The following PAAF1 variants were observed in gnomAD, a reference collection of about 807,000 sequenced individuals.
PAAF1 encodes proteasomal ATPase-associated factor 1.
Under a neutral mutation model 52.8 loss-of-function variants are expected in PAAF1, and 46 were observed. The ratio of observed to expected loss-of-function variants is 0.87; its 90% CI spans 0.69 to 1.11. PAAF1 has a LOEUF of 1.11. Ranked by LOEUF, PAAF1 falls within the 50% of genes most tolerant of loss-of-function variation. PAAF1 has a pLI of 0.00. For synonymous variants in PAAF1, 178 were observed against 172.8 expected (o/e 1.03, Z -0.24); for missense variants, 424 against 477.4 (o/e 0.89, Z 1.04).
At chr11:73,881,193 C>G (rs1948896711) in intron 2 of PAAF1, among the ~76,000 whole-genome samples, 1 of 152,024 alleles carries the variant, frequency 6.6e-6, no homozygotes, top group Admixed American at 6.6e-5. Flanking sequence ...TTTACTTAGG[C>G]TAAAAAAGCA....
chr11:73,881,522 A>G (rs941400784), intron 2 of PAAF1, among the ~76,000 whole-genome samples: 6 of 152,118 alleles, frequency 3.9e-5, no homozygotes, highest in Admixed American at 2.6e-4. Context: ...TCCTGAGCTC[A>G]AGTGATCCGC....
intron 2 of PAAF1, chr11:73,886,853 C>G (rs888137558): frequency 7.0e-6 from 2 of 284,670 alleles, no homozygotes; most frequent in Non-Finnish European, 1.4e-5. Context: ...TGGGGGCAGA[C>G]CCCTCATGAA....
intron 6 of PAAF1, among the ~76,000 whole-genome samples, chr11:73,908,043 C>T (rs916898092): frequency 6.6e-6 from 1 of 151,878 alleles, no homozygotes; most frequent in African/African-American, 2.4e-5. Context: ...TCCATCATTC[C>T]AAGTCTTACT....
intron 4 of PAAF1, among the ~76,000 whole-genome samples, chr11:73,897,549 C>T (rs375133532): frequency 4.6e-5 from 7 of 150,920 alleles, no homozygotes; most frequent in East Asian, 3.9e-4. Context: ...AGACGATGGG[C>T]GGCCGGGCAG....
upstream of PAAF1, chr11:73,876,820 G>T: frequency 2.2e-6 from 1 of 460,154 alleles, no homozygotes; most frequent in Non-Finnish European, 3.6e-6. Context: ...TTTCGCAGGC[G>T]GTTGGGGATC....
At chr11:73,926,765 T>G (rs1950372881) in intron 11 of PAAF1, among the ~76,000 whole-genome samples, 1 of 152,126 alleles carries the variant, frequency 6.6e-6, no homozygotes, top group African/African-American at 2.4e-5. Flanking sequence ...TCAACACATT[T>G]CCATTGTACA....
rs568777440 is a variant in PAAF1, at chr11:73,929,137, C to T, written c.*1775C>T. The T allele has an allele frequency of 1.3e-5, 2 of 152,216 alleles. No homozygotes were observed. The highest frequency in any genetic ancestry group is 4.1e-4 in the South Asian group (2 of 4,828). 9.4% of individuals were successfully genotyped at this position (152,216 alleles called of 1,614,324 possible). On this transcript the variant is annotated 3_prime_UTR_variant, in exon 12 of 12. Transcript: ENST00000310571. ...ATGATTACAGCTTCTGCCTTAACCT[C>T]CTGGGCTCAAGCAATCCTCCCACTT...
chr11:73,919,811 T>C (rs930746998), intron 10 of PAAF1, among the ~76,000 whole-genome samples: 2 of 152,228 alleles, frequency 1.3e-5, no homozygotes, highest in African/African-American at 4.8e-5. Context: ...AGCATTTCAG[T>C]ATGTCAGTTA....
chr11:73,907,917 T>C (rs999371061), intron 6 of PAAF1, among the ~76,000 whole-genome samples: 11 of 152,158 alleles, frequency 7.2e-5, no homozygotes, highest in African/African-American at 2.7e-4. Flanking sequence ...AGTTTTGTGT[T>C]GGAGGCTTCT....
intron 6 of PAAF1, among the ~76,000 whole-genome samples, chr11:73,904,645 G>A (rs1331604361): frequency 1.3e-5 from 2 of 151,050 alleles, no homozygotes; most frequent in African/African-American, 4.9e-5. Flanking sequence ...TTTTTTTTTC[G>A]GAGATCTGAG....
intron 6 of PAAF1, among the ~76,000 whole-genome samples, chr11:73,906,067 A>C (rs1949744291): frequency 6.6e-6 from 1 of 152,200 alleles, no homozygotes; most frequent in South Asian, 2.1e-4. Flanking sequence ...AACTCAAAAT[A>C]CTTTAGTGAC....
chr11:73,891,094 C>T lies in PAAF1; in HGVS notation c.193-18C>T. ...GAGGAGTTTTACTGATGAATCTCAT[C>T]TTTTCCTCTTTGTTTAGAAAAGCAT... On this transcript the variant is annotated intron_variant, in intron 3 of 11. Coordinates refer to ENST00000310571, the MANE Select transcript of PAAF1 (RefSeq NM_025155.3). 1 of 1,482,794 alleles carries T rather than the reference C, an allele frequency of 6.7e-7. No homozygotes were observed. The highest frequency in any genetic ancestry group is 9.4e-7 in the Non-Finnish European group (1 of 1,066,680). 91.9% of individuals were successfully genotyped at this position (1,482,794 alleles called of 1,614,324 possible).
rs1215023873 is a variant in PAAF1, at chr11:73,928,488, A to G, written c.*1126A>G. ...AATGGAATCATAATGTATGTATTCC[A>G]TGGCTTATTTTCACTTAATGTCTCT... On this transcript the variant is annotated 3_prime_UTR_variant, in exon 12 of 12. Transcript: ENST00000310571. 2.0e-5 allele frequency: 3 copies of G among 152,060 alleles called. No homozygotes were observed. The highest frequency in any genetic ancestry group is 1.9e-4 in the East Asian group (1 of 5,200). 9.4% of individuals were successfully genotyped at this position (152,060 alleles called of 1,614,324 possible).
At chr11:73,902,379 A>G (rs1949646361) in intron 6 of PAAF1, among the ~76,000 whole-genome samples, 1 of 152,174 alleles carries the variant, frequency 6.6e-6, no homozygotes, top group South Asian at 2.1e-4. Flanking sequence ...AGGAGTCAGA[A>G]TGGCCTACAG....
rs964172243 is a variant in PAAF1 at position 73,887,522 on chromosome 11, T to G, written c.192+65T>G. 4.8e-6 allele frequency: 5 copies of G among 1,031,654 alleles called. No homozygotes were observed. In the African/African-American group the frequency reaches 8.2e-5, roughly 17 times the overall value. 63.9% of individuals were successfully genotyped at this position (1,031,654 alleles called of 1,614,324 possible). ...CTATGGTAGTACCCAAACATCTACC[T>G]TAGATATTTATACTATTATCTGTGT... On this transcript the variant is annotated intron_variant, in intron 3 of 11. Coordinates refer to ENST00000310571, the MANE Select transcript of PAAF1 (RefSeq NM_025155.3).
intron 10 of PAAF1, chr11:73,921,652 C>G (rs933240015): frequency 1.3e-4 from 89 of 710,954 alleles, no homozygotes; most frequent in South Asian, 9.2e-4. Context: ...TGCCCGTGCT[C>G]CTTTCACTGT....
chr11:73,877,635 C>A (rs775025887), intron 1 of PAAF1, among the ~76,000 whole-genome samples: 26 of 152,264 alleles, frequency 1.7e-4, no homozygotes, highest in Non-Finnish European at 3.7e-4. Flanking sequence ...CCTGTAATCC[C>A]AGCACTTTGG....
intron 6 of PAAF1, among the ~76,000 whole-genome samples, chr11:73,906,611 C>G (rs968510393): frequency 2.0e-5 from 3 of 152,090 alleles, no homozygotes; most frequent in African/African-American, 4.8e-5. Flanking sequence ...GTGATTAGGT[C>G]CCACCTGAGT....
chr11:73,897,952 T>C (rs1183482011), intron 4 of PAAF1, among the ~76,000 whole-genome samples: 1 of 152,116 alleles, frequency 6.6e-6, no homozygotes, highest in Non-Finnish European at 1.5e-5. Context: ...AGGCCGAGGC[T>C]GGCGGATCAC....
Sources: gnomAD v4.1 joint callset for allele counts (sites outside exome capture counted in the v4.1 genomes callset) on GRCh38, gnomAD v4.1.1 for gene constraint, MANE v1.5 for transcripts, NCBI Gene and HGNC (gene_info 2026-07-23, HGNC 2026-07-21) for gene names.